SLC35F3: variants seen among roughly 807,000 people sequenced by gnomAD.
SLC35F3 encodes the protein solute carrier family 35 member F3, also known as putative thiamine transporter SLC35F3.
A neutral mutation model predicts 49.9 loss-of-function variants in SLC35F3; 25 were observed. The observed-to-expected ratio is 0.50, with a 90% CI of 0.37 to 0.70. The LOEUF (loss-of-function observed/expected upper bound fraction) is 0.70. Among genes scored for constraint, SLC35F3 ranks in the 30% least tolerant of loss-of-function variants. SLC35F3 has a pLI of 0.00. For synonymous variants in SLC35F3, 275 were observed against 265.4 expected, an observed-to-expected ratio of 1.04 and a Z score of -0.35; for missense variants, 525 against 639.8, an observed-to-expected ratio of 0.82 and a Z score of 1.94.
intron 2 of SLC35F3, among the ~76,000 whole-genome samples, chr1:234,188,716 C>T (rs1347771963): frequency 1.3e-5 from 2 of 152,112 alleles, no homozygotes; most frequent in Non-Finnish European, 1.5e-5. Flanking sequence ...CTCTCGAAAG[C>T]GCCACCTCCT....
intron 2 of SLC35F3, among the ~76,000 whole-genome samples, chr1:234,115,433 C>G (rs939961351): frequency 6.6e-6 from 1 of 152,176 alleles, no homozygotes; most frequent in Non-Finnish European, 1.5e-5. Context: ...CAACCCAAAG[C>G]ATTTCCCCAG....
chr1:234,108,151 A>AC (rs1246319664), intron 2 of SLC35F3, among the ~76,000 whole-genome samples: 1 of 146,712 alleles, frequency 6.8e-6, no homozygotes, highest in Non-Finnish European at 1.5e-5. Context: ...ACCTTGTGCA[A>AC]CATAGCGATA....
intron 2 of SLC35F3, among the ~76,000 whole-genome samples, chr1:233,987,105 G>GAT (rs1663277281): frequency 1.3e-5 from 2 of 151,694 alleles, no homozygotes; most frequent in Admixed American, 1.3e-4. Context: ...TGGCCAACAT[G>GAT]ATAAAACCCC....
chr1:234,294,142 G>A (rs1322476566), intron 3 of SLC35F3, among the ~76,000 whole-genome samples: 2 of 152,190 alleles, frequency 1.3e-5, no homozygotes, highest in African/African-American at 4.8e-5. Flanking sequence ...ATAGCAAAGA[G>A]CATTGCCTAC....
rs558315574 is a variant in SLC35F3, at chr1:233,979,644, T to G, written c.283+73886T>G. ...GGAACTGCTTAGGCTCCATGCACTG[T>G]TTTAAAAAAAACTTTCAGCAACGGA... On this transcript the variant is annotated intron_variant, in intron 2 of 7. Coordinates refer to ENST00000366618, the MANE Select transcript of SLC35F3 (RefSeq NM_173508.4). 4.5e-4 allele frequency among the ~76,000 whole-genome samples: 69 copies of G among 152,218 alleles called. 1 individual carries two copies. In the South Asian group the frequency reaches 0.012, roughly 26 times the overall value.
At chr1:234,116,724 G>A (rs937086604) in intron 2 of SLC35F3, among the ~76,000 whole-genome samples, 1 of 152,128 alleles carries the variant, frequency 6.6e-6, no homozygotes, top group Non-Finnish European at 1.5e-5. Context: ...ATATTGGCCA[G>A]GCTGGTCATG....
chr1:234,007,613 TTTCCTTTGC>T (rs1663650037), intron 2 of SLC35F3, among the ~76,000 whole-genome samples: 2 of 152,224 alleles, frequency 1.3e-5, no homozygotes, highest in African/African-American at 2.4e-5. Flanking sequence ...GTATATTAAG[TTTCCTTTGC>T]TTCCTTTGCT....
intron 2 of SLC35F3, among the ~76,000 whole-genome samples, chr1:234,014,748 T>C (rs747915176): frequency 6.6e-6 from 1 of 151,758 alleles, no homozygotes; most frequent in Non-Finnish European, 1.5e-5. Context: ...CAAAATAAAA[T>C]GCATAGGAAT....
chr1:233,971,442 G>A lies in SLC35F3; in HGVS notation c.283+65684G>A, dbSNP rs189558821. On this transcript the variant is annotated intron_variant, in intron 2 of 7. Coordinates refer to ENST00000366618, the MANE Select transcript of SLC35F3 (RefSeq NM_173508.4). ...GTTATCAAAAGATACCCAGCTGGGCGCGGTGGCTCACGCACAGGCGTGAAA... is the reference window on the plus strand; with the variant it reads ...GTTATCAAAAGATACCCAGCTGGGCACGGTGGCTCACGCACAGGCGTGAAA... 2.2e-4 allele frequency among the ~76,000 whole-genome samples: 34 copies of A among 152,312 alleles called. No individual in the cohort carries two copies. In the East Asian group the frequency reaches 4.4e-3, roughly 20 times the overall value.
chr1:234,218,381 G>A (rs565675948), intron 2 of SLC35F3, among the ~76,000 whole-genome samples: 2 of 152,318 alleles, frequency 1.3e-5, no homozygotes, highest in South Asian at 2.1e-4. Context: ...TGCTAGGTGA[G>A]TGATTTCTGG....
chr1:233,932,507 G>A (rs1313276429), intron 2 of SLC35F3, among the ~76,000 whole-genome samples: 1 of 152,186 alleles, frequency 6.6e-6, no homozygotes, highest in Non-Finnish European at 1.5e-5. Context: ...GGGAAGAGGT[G>A]TGTGGAAGCC....
intron 4 of SLC35F3, among the ~76,000 whole-genome samples, chr1:234,315,930 A>G (rs138511706): frequency 2.7e-4 from 41 of 152,340 alleles, no homozygotes; most frequent in African/African-American, 9.4e-4. Context: ...GTACATCTCC[A>G]TGAAGCCTCC....
intron 3 of SLC35F3, among the ~76,000 whole-genome samples, chr1:234,291,188 A>G (rs1441068537): frequency 6.6e-6 from 1 of 152,254 alleles, no homozygotes; most frequent in East Asian, 1.9e-4. Flanking sequence ...CAAAAAAGCA[A>G]CAGGCAATAC....
chr1:233,973,094 G>A (rs776769351), intron 2 of SLC35F3, among the ~76,000 whole-genome samples: 21 of 152,234 alleles, frequency 1.4e-4, no homozygotes, highest in Non-Finnish European at 2.9e-4. Context: ...CTTGGGTCAC[G>A]ATAAAATCAT....
At chr1:233,977,447 A>G (rs530779808) in intron 2 of SLC35F3, among the ~76,000 whole-genome samples, 59 of 152,220 alleles carry the variant, frequency 3.9e-4, no homozygotes, top group African/African-American at 1.2e-3. Context: ...TCACCTCCCA[A>G]TGTGCCAGAG....
chr1:234,109,726 G>C (rs1277819379), intron 2 of SLC35F3, among the ~76,000 whole-genome samples: 1 of 152,198 alleles, frequency 6.6e-6, no homozygotes, highest in African/African-American at 2.4e-5. Flanking sequence ...GGTAGGGAGA[G>C]GGGGAGGACA....
intron 2 of SLC35F3, among the ~76,000 whole-genome samples, chr1:234,229,875 A>G (rs1345378591): frequency 2.0e-5 from 3 of 152,240 alleles, no homozygotes; most frequent in South Asian, 2.1e-4. Context: ...AGGAAAGTCA[A>G]GAGATCCTGG....
At chr1:234,065,179 G>A (rs541162111) in intron 2 of SLC35F3, among the ~76,000 whole-genome samples, 2 of 151,464 alleles carry the variant, frequency 1.3e-5, no homozygotes, top group African/African-American at 2.4e-5. Context: ...ACAAAGTCTC[G>A]CTCTGTCTCC....
intron 2 of SLC35F3, among the ~76,000 whole-genome samples, chr1:234,144,366 A>G (rs1001392377): frequency 6.6e-6 from 1 of 152,166 alleles, no homozygotes; most frequent in Non-Finnish European, 1.5e-5. Context: ...CTCTAAAGCC[A>G]CTAATAAACA....
Sources: gnomAD v4.1 joint callset for allele counts (sites outside exome capture counted in the v4.1 genomes callset) on GRCh38, gnomAD v4.1.1 for gene constraint, MANE v1.5 for transcripts, NCBI Gene and HGNC (gene_info 2026-07-23, HGNC 2026-07-21) for gene names.